GPM6A: variants seen among roughly 807,000 people sequenced by gnomAD.
GPM6A encodes glycoprotein M6A, also known as neuronal membrane glycoprotein M6-a.
A neutral mutation model predicts 32.1 loss-of-function variants in GPM6A; 7 were observed. The observed-to-expected ratio is 0.22, with a 90% confidence interval of 0.12 to 0.41. The LOEUF (loss-of-function observed/expected upper bound fraction) is 0.41, where lower values mean the gene tolerates loss of function less well. GPM6A is among the 10% of genes least tolerant of loss of function. The pLI is 1.00. For synonymous variants in GPM6A, 130 were observed against 123.4 expected (o/e 1.05, Z -0.35); for missense variants, 235 against 347.2 (o/e 0.68, Z 2.57).
chr4:175,876,473 C>T (rs144177367), intron 1 of GPM6A, among the ~76,000 whole-genome samples: 4 of 152,120 alleles, frequency 2.6e-5, no homozygotes, highest in Non-Finnish European at 5.9e-5. Context: ...AGAAAATATG[C>T]CACTCTATCT....
chr4:175,759,622 A>C (rs1490964261), intron 1 of GPM6A, among the ~76,000 whole-genome samples: 1 of 152,206 alleles, frequency 6.6e-6, no homozygotes, highest in African/African-American at 2.4e-5. Flanking sequence ...ATGTAGAGGA[A>C]GATACAAATC....
chr4:175,753,433 G>A (rs997629387), intron 1 of GPM6A, among the ~76,000 whole-genome samples: 1 of 152,048 alleles, frequency 6.6e-6, no homozygotes, highest in African/African-American at 2.4e-5. Context: ...AAGCAAAATG[G>A]ACTGCAGATA....
intron 1 of GPM6A, among the ~76,000 whole-genome samples, chr4:175,783,809 G>T (rs1013774536): frequency 6.6e-6 from 1 of 152,004 alleles, no homozygotes; most frequent in East Asian, 1.9e-4. Context: ...AATCAGAGGA[G>T]AAAAATAAAG....
chr4:175,686,933 G>A (rs1287548929), intron 2 of GPM6A, among the ~76,000 whole-genome samples: 1 of 152,140 alleles, frequency 6.6e-6, no homozygotes, highest in East Asian at 1.9e-4. Context: ...CTGGAAAATG[G>A]CAATTTTAAA....
At chr4:175,785,244 C>T (rs922321881) in intron 1 of GPM6A, among the ~76,000 whole-genome samples, 2 of 152,130 alleles carry the variant, frequency 1.3e-5, no homozygotes, top group Non-Finnish European at 1.5e-5. Flanking sequence ...GGAATTCTGG[C>T]GCGGAGTCTC....
At chr4:175,810,031 A>ACAGG (rs1360864502) in intron 1 of GPM6A, among the ~76,000 whole-genome samples, 1 of 152,174 alleles carries the variant, frequency 6.6e-6, no homozygotes, top group African/African-American at 2.4e-5. Context: ...TGTTTAAGAA[A>ACAGG]ATCCTATGCA....
chr4:175,671,158 C>T (rs1037718303), intron 3 of GPM6A, among the ~76,000 whole-genome samples: 3 of 151,916 alleles, frequency 2.0e-5, no homozygotes, highest in African/African-American at 4.8e-5. Flanking sequence ...CCACCACGCC[C>T]GGCCTGCTGC....
chr4:175,875,486 C>T (rs528002028), intron 1 of GPM6A, among the ~76,000 whole-genome samples: 2 of 152,242 alleles, frequency 1.3e-5, no homozygotes, highest in South Asian at 4.1e-4. Context: ...TCACTAGTGG[C>T]ACTGAGAACC....
chr4:175,658,501 C>T (rs1742216811), intron 3 of GPM6A, among the ~76,000 whole-genome samples: 1 of 152,012 alleles, frequency 6.6e-6, no homozygotes, highest in Non-Finnish European at 1.5e-5. Context: ...ATGGTGGATA[C>T]GTGTCATTAT....
At chr4:175,761,640 A>G (rs1732747051) in intron 1 of GPM6A, among the ~76,000 whole-genome samples, 1 of 152,152 alleles carries the variant, frequency 6.6e-6, no homozygotes, top group Admixed American at 6.6e-5. Flanking sequence ...AATTAATAAT[A>G]TACTAAAAGG....
intron 1 of GPM6A, among the ~76,000 whole-genome samples, chr4:175,922,876 CTTCAT>C (rs754830982): frequency 2.6e-5 from 4 of 152,082 alleles, no homozygotes; most frequent in Non-Finnish European, 4.4e-5. Context: ...CCTATCTTTT[CTTCAT>C]TTCATTAACT....
At chr4:175,644,976 G>A (rs979530626) in intron 4 of GPM6A, among the ~76,000 whole-genome samples, 1 of 152,040 alleles carries the variant, frequency 6.6e-6, no homozygotes, top group African/African-American at 2.4e-5. Flanking sequence ...AGGCGTGGTG[G>A]TGGTCACCAG....
chr4:175,815,800 C>T (rs1042539205), upstream of GPM6A, among the ~76,000 whole-genome samples: 1 of 144,414 alleles, frequency 6.9e-6, no homozygotes, highest in Non-Finnish European at 1.5e-5. Context: ...TCACTAGAAC[C>T]TCTGCCTCCC....
chr4:175,701,515 T>G, intron 2 of GPM6A, 60 bp downstream of exon 2: 1 of 1,234,668 alleles, frequency 8.1e-7, no homozygotes, highest in Non-Finnish European at 1.2e-6. Context: ...CCTAATCATT[T>G]AACACATAGA....
chr4:175,943,960 A>G (rs1470161040), intron 1 of GPM6A, among the ~76,000 whole-genome samples: 1 of 152,150 alleles, frequency 6.6e-6, no homozygotes, highest in African/African-American at 2.4e-5. Context: ...GAATGGTACC[A>G]GCTCCTCTTT....
intron 1 of GPM6A, among the ~76,000 whole-genome samples, chr4:175,715,221 G>A (rs867369647): frequency 6.6e-6 from 1 of 152,054 alleles, no homozygotes; most frequent in Admixed American, 6.5e-5. Context: ...TTTCTTTCAT[G>A]TGTGTGTTTG....
rs557460950 is a variant in GPM6A at position 175,890,763 on chromosome 4, C to T, written c.-22-78514G>A. Reference sequence around the variant, plus strand: ...TAGAGATGGGGTCTTGCTGTGTTGCCCAGACTGGTCTCAAACCCCTGACCT... The same window carrying T: ...TAGAGATGGGGTCTTGCTGTGTTGCTCAGACTGGTCTCAAACCCCTGACCT... On this transcript the variant is annotated intron_variant, in intron 1 of 7. Coordinates refer to the GPM6A transcript ENST00000280187. 3.3e-5 allele frequency among the ~76,000 whole-genome samples: 5 copies of T among 151,954 alleles called. No homozygotes were observed. In the South Asian group the frequency reaches 1.0e-3, roughly 32 times the overall value.
intron 1 of GPM6A, chr4:175,790,288 G>T (rs1176277740): frequency 6.6e-6 from 1 of 152,070 alleles, no homozygotes; most frequent in Non-Finnish European, 1.5e-5. Context: ...CCAACACAGA[G>T]AATTCTGAGC....
At chr4:175,847,742 ATCT>A (rs1736134370) in intron 1 of GPM6A, among the ~76,000 whole-genome samples, 1 of 152,198 alleles carries the variant, frequency 6.6e-6, no homozygotes, top group Non-Finnish European at 1.5e-5. Context: ...ATAAGGAGAC[ATCT>A]TCTATCCATG....
Sources: gnomAD v4.1 joint callset for allele counts (sites outside exome capture counted in the v4.1 genomes callset) on GRCh38, gnomAD v4.1.1 for gene constraint, MANE v1.5 for transcripts, NCBI Gene and HGNC (gene_info 2026-07-23, HGNC 2026-07-21) for gene names.